Variants in PCDHGA2 observed in about 807,000 individuals in gnomAD.
PCDHGA2 encodes protocadherin gamma-A2.
Under a neutral mutation model 59.2 loss-of-function variants are expected in PCDHGA2, and 40 were observed. The ratio of observed to expected loss-of-function variants is 0.68; its 90% confidence interval spans 0.52 to 0.88. The LOEUF is 0.88. Ranked by LOEUF, PCDHGA2 falls within the 40% of genes least tolerant of loss-of-function variation. The pLI is 0.00. For synonymous variants in PCDHGA2, 560 were observed against 526.0 expected (o/e 1.06, Z -0.89); for missense variants, 1,226 against 1,204.0 (o/e 1.02, Z -0.27).
At chr5:141,422,849 C>T in intron 1 of PCDHGA2, 1 of 1,614,238 alleles carries the variant, frequency 6.2e-7, no homozygotes, top group Non-Finnish European at 8.5e-7. Context: ...AGCGGGGACC[C>T]GCCCCTCAGC....
rs377532961 is a variant in PCDHGA2 at position 141,366,656 on chromosome 5, G to A, written c.2424+25261G>A. ...CCTGATCTTTCCCCAGCCCAACTAC[G>A]CAGACACGCTCCTTAGTGAAGAGAG... On this transcript the variant is annotated intron_variant, in intron 1 of 3. Coordinates refer to ENST00000394576, the MANE Select transcript of PCDHGA2 (RefSeq NM_018915.4). 62 of 1,614,120 alleles carry A rather than the reference G, an allele frequency of 3.8e-5. No individual in the cohort carries two copies. In the South Asian group the frequency reaches 4.8e-4, roughly 13 times the overall value.
At chr5:141,369,272 AT>A (rs1346533698) in intron 1 of PCDHGA2, among the ~76,000 whole-genome samples, 2 of 152,200 alleles carry the variant, frequency 1.3e-5, no homozygotes, top group Non-Finnish European at 2.9e-5. Flanking sequence ...AGGACTTACA[AT>A]TCACTCCCCA....
At chr5:141,352,540 G>A (rs1249935769) in intron 1 of PCDHGA2, 16 of 1,613,862 alleles carry the variant, frequency 9.9e-6, no homozygotes, top group Non-Finnish European at 1.3e-5. Flanking sequence ...CAAAGACAGA[G>A]TTTAATTCTC....
At chr5:141,394,226 C>CT (rs771492563) in intron 1 of PCDHGA2, 132 of 1,613,834 alleles carry the variant, frequency 8.2e-5, no homozygotes, top group Non-Finnish European at 1.1e-4. Context: ...GAGCCTCCAT[C>CT]TTTTCCTTGA....
chr5:141,413,895 T>A (rs749075692), intron 1 of PCDHGA2: 2 of 1,613,308 alleles, frequency 1.2e-6, no homozygotes, highest in South Asian at 2.2e-5. Flanking sequence ...TCGATGCAAA[T>A]GACAACGCGC....
At chr5:141,463,834 A>G (rs1212299231) in intron 1 of PCDHGA2, among the ~76,000 whole-genome samples, 4 of 152,108 alleles carry the variant, frequency 2.6e-5, no homozygotes, top group East Asian at 1.9e-4. Flanking sequence ...TCCACTTCCC[A>G]GTTGTTATAG....
chr5:141,456,698 C>T (rs1466672057), intron 1 of PCDHGA2, among the ~76,000 whole-genome samples: 1 of 152,132 alleles, frequency 6.6e-6, no homozygotes, highest in Non-Finnish European at 1.5e-5. Flanking sequence ...GGCGTGGTGG[C>T]TCGCGCCTGT....
chr5:141,470,911 G>C (rs1208467445), intron 1 of PCDHGA2, among the ~76,000 whole-genome samples: 1 of 151,916 alleles, frequency 6.6e-6, no homozygotes, highest in African/African-American at 2.4e-5. Context: ...AGATGGGACT[G>C]TCCCTATGTT....
rs188874944 is a variant in PCDHGA2, at chr5:141,446,708, C to T, written c.2425-48099C>T. Among the ~76,000 whole-genome samples, 183 of 152,314 alleles carry T rather than the reference C, an allele frequency of 1.2e-3. 1 individual carries two copies. The highest frequency in any genetic ancestry group is 2.1e-3 in the Admixed American group (32 of 15,302). On this transcript the variant is annotated intron_variant, in intron 1 of 3. Coordinates refer to ENST00000394576, the MANE Select transcript of PCDHGA2 (RefSeq NM_018915.4). ...GGCCAGGCTGGTCTCGAACTCTGAT[C>T]TGCCCGCCTCGGCCTCCCAAAGTGT...
intron 1 of PCDHGA2, among the ~76,000 whole-genome samples, chr5:141,479,798 G>C (rs892288776): frequency 6.6e-6 from 1 of 152,234 alleles, no homozygotes; most frequent in East Asian, 1.9e-4. Context: ...ATTAATTCAG[G>C]GTGGTATGCA....
In PCDHGA2 at chr5:141,339,317, A is replaced by AT; in HGVS notation, c.349dup (p.Tyr117LeufsTer11). On this transcript the variant is annotated frameshift_variant, in exon 1 of 4. Transcript: ENST00000394576. LOFTEE classifies it high-confidence loss of function. ...CATTCTGCTGGAGGATAAATTGACT[A>AT]TTTATTCAGTAGAGGTGGAAATAAC... 1 of 1,614,234 alleles carries AT rather than the reference A, an allele frequency of 6.2e-7. No individual in the cohort carries two copies. Among genetic ancestry groups the AT allele is most frequent in the Non-Finnish European group, 8.5e-7 (1 of 1,180,032 alleles).
intron 1 of PCDHGA2, chr5:141,356,858 T>A: frequency 6.2e-7 from 1 of 1,614,210 alleles, no homozygotes; most frequent in Non-Finnish European, 8.5e-7. Context: ...CTCTTTGTGC[T>A]GGACCAGAAC....
chr5:141,390,601 C>T, intron 1 of PCDHGA2: 1 of 317,490 alleles, frequency 3.1e-6, no homozygotes. Context: ...TTTTCCTATA[C>T]ATTTTCCTTC....
chr5:141,413,054 A>G (rs2095600698), intron 1 of PCDHGA2: 1 of 981,614 alleles, frequency 1.0e-6, no homozygotes, highest in African/African-American at 1.6e-5. Flanking sequence ...AGGGAAGCTC[A>G]CTCCAGAATT....
At chr5:141,507,183 C>T (rs2099859036) in intron 3 of PCDHGA2, 1 of 152,428 alleles carries the variant, frequency 6.6e-6, no homozygotes, top group Non-Finnish European at 1.5e-5. Flanking sequence ...TCCTCGAGCT[C>T]TGCTTTATTC....
chr5:141,340,697 G>A lies in PCDHGA2; in HGVS notation c.1726G>A (p.Glu576Lys), dbSNP rs748199431. Residue 576 changes from glutamate to lysine, a missense_variant, in exon 1 of 4, where the codon GAG becomes AAG. Transcript: ENST00000394576. Reference sequence around the variant, plus strand: ...CCCCACAGACGGTTCCACTGGCGTGGAGCTGGCGCCCCGCTCCGCAGAGCC... The same window carrying A: ...CCCCACAGACGGTTCCACTGGCGTGAAGCTGGCGCCCCGCTCCGCAGAGCC... ...AFPTDGSTGV[E>K]LAPRSAEPGY... is the part of the protein sequence containing the mutation. 2.5e-6 allele frequency: 4 copies of A among 1,614,044 alleles called. No individual in the cohort carries two copies. Among genetic ancestry groups the A allele is most frequent in the Non-Finnish European group, 3.4e-6 (4 of 1,180,050 alleles).
intron 1 of PCDHGA2, chr5:141,350,578 C>G: frequency 6.2e-7 from 1 of 1,613,970 alleles, no homozygotes; most frequent in Non-Finnish European, 8.5e-7. Flanking sequence ...TCGAAACGGT[C>G]GCTGAAAACC....
intron 1 of PCDHGA2, chr5:141,433,250 G>A: frequency 1.4e-6 from 2 of 1,440,892 alleles, no homozygotes; most frequent in Non-Finnish European, 1.9e-6. Flanking sequence ...CTGGAATGCA[G>A]CGGTACGATC....
At chr5:141,450,627 C>T (rs947866993) in intron 1 of PCDHGA2, among the ~76,000 whole-genome samples, 13 of 151,592 alleles carry the variant, frequency 8.6e-5, no homozygotes, top group African/African-American at 3.2e-4. Context: ...GCTGGGATTA[C>T]AGATGCCTGC....
Sources: gnomAD v4.1 joint callset for allele counts (sites outside exome capture counted in the v4.1 genomes callset) on GRCh38, gnomAD v4.1.1 for gene constraint, MANE v1.5 for transcripts, NCBI Gene and HGNC (gene_info 2026-07-23, HGNC 2026-07-21) for gene names.